The following CLCN4 variants were observed in gnomAD, a reference collection of about 807,000 sequenced individuals.
CLCN4 encodes the protein Cl-/H+ antiporter 4.
In CLCN4, 1 loss-of-function variant was observed where a neutral mutation model predicts 41.7. That is an observed-to-expected ratio of 0.02 (90% CI 0.01 to 0.11). The LOEUF is 0.11. CLCN4 is among the 10% of genes least tolerant of loss of function. The pLI is 1.00. For synonymous variants in CLCN4, 277 were observed against 285.8 expected (o/e 0.97, Z 0.31); for missense variants, 287 against 661.0 (o/e 0.43, Z 6.20).
At chrX:10,213,601 G>A in intron 10 of CLCN4, 80 bp from the exon 11 acceptor site, 7 of 917,858 alleles carry the variant, frequency 7.6e-6, no homozygotes. Flanking sequence ...TTTACAGCCT[G>A]TCTGTCATTT....
In CLCN4 at chrX:10,235,575, A is replaced by T. The variant is rs1925230680; in HGVS notation, c.*1991A>T. The T allele has an allele frequency of 9.0e-6, 1 of 111,308 alleles. No individual in the cohort carries two copies. The highest frequency in any genetic ancestry group is 3.3e-5 in the African/African-American group (1 of 30,592). The allele number at this position is 111,308 out of a possible 1,213,427, so 9.2% of individuals were successfully genotyped here. On this transcript the variant is annotated 3_prime_UTR_variant, in exon 13 of 13. Transcript: ENST00000380833. ...TTCCCCACCCCTTTTCTCAGATTTGACCTAGAATTCCCAGCCCAAATCCAT... is the reference window on the plus strand; with the variant it reads ...TTCCCCACCCCTTTTCTCAGATTTGTCCTAGAATTCCCAGCCCAAATCCAT...
chrX:10,218,431 C>T (rs1247420315), intron 11 of CLCN4, among the ~76,000 whole-genome samples: 1 of 111,877 alleles, frequency 8.9e-6, no homozygotes. Context: ...CTGGCTCATC[C>T]CCTGGGTGAG....
At chrX:10,220,916 A>G in intron 12 of CLCN4, 39 bp downstream of exon 12, 1 of 1,099,031 alleles carries the variant, frequency 9.1e-7, no homozygotes, top group Non-Finnish European at 1.3e-6. Flanking sequence ...ACCTAGGGAG[A>G]AAAAGATGAG....
intron 6 of CLCN4, among the ~76,000 whole-genome samples, chrX:10,204,513 G>T (rs1036322912): frequency 9.1e-6 from 1 of 109,483 alleles, no homozygotes; most frequent in Non-Finnish European, 1.9e-5. Flanking sequence ...TCCAGCAGGG[G>T]TTGGCAAACT....
chrX:10,190,914 CCTGT>C (rs1175559373), intron 4 of CLCN4, among the ~76,000 whole-genome samples: 1 of 111,972 alleles, frequency 8.9e-6, no homozygotes, highest in Non-Finnish European at 1.9e-5. Context: ...AAATTTCAAA[CCTGT>C]CTGATATTTA....
At chrX:10,164,368 G>A (rs917743012) in intron 2 of CLCN4, among the ~76,000 whole-genome samples, 5 of 111,752 alleles carry the variant, frequency 4.5e-5, no homozygotes, top group East Asian at 5.6e-4. Context: ...TCAGAGGGGC[G>A]CAGGGGGCAG....
intron 12 of CLCN4, among the ~76,000 whole-genome samples, chrX:10,226,540 A>G (rs1429271092): frequency 8.9e-6 from 1 of 111,947 alleles, no homozygotes; most frequent in Non-Finnish European, 1.9e-5. Context: ...GAAATAAGCA[A>G]GATCAGAGCA....
At chrX:10,202,729 C>T (rs777233081) in intron 6 of CLCN4, among the ~76,000 whole-genome samples, 1 of 106,812 alleles carries the variant, frequency 9.4e-6, no homozygotes, top group East Asian at 3.0e-4. Flanking sequence ...GTAAGGGTGT[C>T]CTCTTTCTAC....
chrX:10,223,673 G>A (rs1415105307), intron 12 of CLCN4, among the ~76,000 whole-genome samples: 3 of 111,712 alleles, frequency 2.7e-5, no homozygotes, highest in African/African-American at 9.8e-5. Flanking sequence ...GGGTTCAAGG[G>A]GCATCATAAA....
chrX:10,169,181 A>G (rs941622956), intron 2 of CLCN4, among the ~76,000 whole-genome samples: 9 of 111,766 alleles, frequency 8.1e-5, no homozygotes, highest in South Asian at 3.7e-4. Context: ...CCTATATTGA[A>G]TGTTCTGGTC....
intron 2 of CLCN4, among the ~76,000 whole-genome samples, chrX:10,170,064 AG>A (rs752883270): frequency 1.8e-5 from 2 of 111,969 alleles, no homozygotes; most frequent in African/African-American, 6.5e-5. Flanking sequence ...CTGGGATTAC[AG>A]GCATGAGCCA....
intron 2 of CLCN4, among the ~76,000 whole-genome samples, chrX:10,183,732 C>T (rs908305908): frequency 8.9e-6 from 1 of 111,922 alleles, no homozygotes; most frequent in Non-Finnish European, 1.9e-5. Context: ...GGTTCACTCG[C>T]GATTGTTTTC....
chrX:10,178,730 G>A (rs1363835975), intron 2 of CLCN4, among the ~76,000 whole-genome samples: 3 of 111,198 alleles, frequency 2.7e-5, no homozygotes, highest in Non-Finnish European at 5.6e-5. Context: ...TAGCCACTGG[G>A]GCCCATTCCC....
intron 2 of CLCN4, among the ~76,000 whole-genome samples, chrX:10,161,387 T>C (rs1424298484): frequency 8.9e-6 from 1 of 111,986 alleles, no homozygotes; most frequent in African/African-American, 3.3e-5. Context: ...GTGGGCTTGG[T>C]GCTCTGTATG....
At chrX:10,189,841 A>C (rs1923911137) in intron 4 of CLCN4, among the ~76,000 whole-genome samples, 1 of 112,379 alleles carries the variant, frequency 8.9e-6, no homozygotes. Flanking sequence ...GCTGAAGCGC[A>C]GTCAGAACCA....
chrX:10,211,364 A>G (rs1035201664), intron 9 of CLCN4, among the ~76,000 whole-genome samples: 13 of 110,878 alleles, frequency 1.2e-4, no homozygotes, highest in African/African-American at 4.3e-4. Context: ...GGCCTTAAGA[A>G]CAAGGATGAG....
At chrX:10,230,615 A>T (rs1925103912) in intron 12 of CLCN4, among the ~76,000 whole-genome samples, 2 of 112,212 alleles carry the variant, frequency 1.8e-5, no homozygotes, top group South Asian at 3.7e-4. Flanking sequence ...ATACTCACAG[A>T]TGGGTTTTCC....
chrX:10,178,287 G>A (rs148517386), intron 2 of CLCN4, among the ~76,000 whole-genome samples: 1,233 of 111,932 alleles, frequency 0.011, 8 homozygotes, highest in Non-Finnish European at 0.015. Flanking sequence ...CTTATGGTAT[G>A]TGAATTACCT....
chrX:10,164,123 T>C (rs1923182925), intron 2 of CLCN4, among the ~76,000 whole-genome samples: 1 of 112,007 alleles, frequency 8.9e-6, no homozygotes, highest in Non-Finnish European at 1.9e-5. Flanking sequence ...TGCACAGCAC[T>C]GGACTCCAAA....
Sources: gnomAD v4.1 joint callset for allele counts (sites outside exome capture counted in the v4.1 genomes callset) on GRCh38, gnomAD v4.1.1 for gene constraint, MANE v1.5 for transcripts, NCBI Gene and HGNC (gene_info 2026-07-23, HGNC 2026-07-21) for gene names.